KCNQ1: variants seen among roughly 807,000 people sequenced by gnomAD.
KCNQ1 encodes potassium voltage-gated channel subfamily KQT member 1.
In KCNQ1, 49 loss-of-function variants were observed where a neutral mutation model predicts 72.4. That is an observed-to-expected ratio of 0.68 (90% CI 0.54 to 0.86). KCNQ1 has a LOEUF of 0.86. KCNQ1 is among the 40% of genes least tolerant of loss of function. The probability of loss-of-function intolerance (pLI) is 0.00; values close to 1 mark genes in which losing one functional copy is unlikely to be tolerated. For synonymous variants in KCNQ1, 450 were observed against 412.6 expected, an observed-to-expected ratio of 1.09 and a Z score of -1.10; for missense variants, 790 against 945.1, an observed-to-expected ratio of 0.84 and a Z score of 2.15.
At position 2,611,506 on chromosome 11, in the gene KCNQ1, C is replaced by A. The variant is rs978892217; in HGVS notation, c.1393+22652C>A. On this transcript the variant is annotated intron_variant, in intron 10 of 15. Transcript: ENST00000155840. The surrounding 1 kb of genome is among the most constrained non-coding windows in gnomAD (Gnocchi z 5.3). ...GGATTACAGGTGTGAGCCACTGCAC[C>A]CAGCCAATTTTGTCTGATTTTAGTA... 2 of 398,264 alleles carry A rather than the reference C, an allele frequency of 5.0e-6. No homozygotes were observed. Among genetic ancestry groups the A allele is most frequent in the African/African-American group, 4.1e-5 (2 of 48,620 alleles). The allele number at this position is 398,264 out of a possible 1,614,324, so 24.7% of individuals were successfully genotyped here.
chr11:2,521,567 C>T (rs1847383271), intron 1 of KCNQ1: 2 of 470,630 alleles, frequency 4.2e-6, no homozygotes, highest in South Asian at 3.1e-5. Context: ...AGCTTCGACC[C>T]TGGGTGAGTT....
intron 6 of KCNQ1, among the ~76,000 whole-genome samples, chr11:2,575,022 G>A (rs1422188126): frequency 6.6e-6 from 1 of 152,190 alleles, no homozygotes; most frequent in African/African-American, 2.4e-5. Context: ...GTGGCAAGGT[G>A]GGCAGTGAGG....
At chr11:2,686,915 G>C (rs573290965) in intron 11 of KCNQ1, 1 of 398,638 alleles carries the variant, frequency 2.5e-6, no homozygotes, top group South Asian at 1.3e-4. Flanking sequence ...CCCAATCCAG[G>C]TCCATGCAGG....
At chr11:2,591,723 G>A (rs115752767) in intron 10 of KCNQ1, among the ~76,000 whole-genome samples, 5 of 152,370 alleles carry the variant, frequency 3.3e-5, no homozygotes, top group Admixed American at 1.3e-4. Flanking sequence ...GGGCAAGTGC[G>A]GAGAAAGTCA....
intron 11 of KCNQ1, chr11:2,699,765 TGAGGAGCCCCGAGGAGAACCGCGCC>T (rs1850758497): frequency 2.9e-6 from 1 of 344,994 alleles, no homozygotes. Context: ...AGCGCCGCGC[TGAGGAGCCCCGAGGAGAACCGCGCC>T]GAGGGGCGCG....
In KCNQ1 at chr11:2,691,689, C is replaced by A. The variant is rs189033687; in HGVS notation, c.1514+29608C>A. On this transcript the variant is annotated intron_variant, in intron 11 of 15. Transcript: ENST00000155840. The surrounding 1 kb of genome is among the most constrained non-coding windows in gnomAD (Gnocchi z 6.4). ...ACAGAGAACCAGGTGGGGAAGGGGT[C>A]TCTCCCCATCTGTCCAGGGGAGAGG... The A allele has an allele frequency of 7.8e-4, 311 of 398,582 alleles. No individual in the cohort carries two copies. The highest frequency in any genetic ancestry group is 4.5e-3 in the African/African-American group (218 of 48,710). The allele number at this position is 398,582 out of a possible 1,614,324, so 24.7% of individuals were successfully genotyped here. A position where few individuals can be genotyped will look rare whatever the true frequency, so the allele number is the denominator to read the frequency against.
At chr11:2,697,599 C>T (rs1252851384) in intron 11 of KCNQ1, 1 of 398,494 alleles carries the variant, frequency 2.5e-6, no homozygotes, top group East Asian at 3.6e-5. Context: ...AACTTTATCA[C>T]ATCATTTTTT....
At chr11:2,792,478 C>G (rs1847046770) in intron 15 of KCNQ1, among the ~76,000 whole-genome samples, 1 of 152,228 alleles carries the variant, frequency 6.6e-6, no homozygotes, top group African/African-American at 2.4e-5. Flanking sequence ...CGTGACCCCT[C>G]CCTCTGCCCA....
rs1016716082 is a variant in KCNQ1, at chr11:2,662,221, C to T, written c.1514+140C>T. ...TGCCCACCACTTGCCGTCTGCCTGG[C>T]CCCAACACGGAGGCACCAGGCAAGA... is the stretch of plus-strand genomic sequence containing the variant. On this transcript the variant is annotated intron_variant, in intron 11 of 15. Coordinates refer to ENST00000155840, the MANE Select transcript of KCNQ1 (RefSeq NM_000218.3). 41 of 1,167,976 alleles carry T rather than the reference C, an allele frequency of 3.5e-5. No individual in the cohort carries two copies. The South Asian group carries it at 4.5e-4, about 13-fold the overall frequency. The allele number at this position is 1,167,976 out of a possible 1,614,324, so 72.4% of individuals were successfully genotyped here.
intron 15 of KCNQ1, among the ~76,000 whole-genome samples, chr11:2,807,917 G>A (rs1279176962): frequency 6.6e-6 from 1 of 152,196 alleles, no homozygotes; most frequent in Non-Finnish European, 1.5e-5. Context: ...CAGCGGTAGA[G>A]AAGGCCAAGT....
chr11:2,554,614 C>T (rs893279371), intron 2 of KCNQ1, among the ~76,000 whole-genome samples: 5 of 152,146 alleles, frequency 3.3e-5, no homozygotes, highest in African/African-American at 7.2e-5. Context: ...AACAGGACAC[C>T]GTAAGGGGCA....
Position 2,464,641 on chromosome 11 carries a change from G to T in KCNQ1, c.386+19157G>T, listed in dbSNP as rs1447348548. 6.6e-6 allele frequency among the ~76,000 whole-genome samples: 1 copy of T among 152,034 alleles called. No individual in the cohort carries two copies. Among genetic ancestry groups the T allele is most frequent in the African/African-American group, 2.4e-5 (1 of 41,390 alleles). On this transcript the variant is annotated intron_variant, in intron 1 of 15. Coordinates refer to ENST00000155840, the MANE Select transcript of KCNQ1 (RefSeq NM_000218.3). This position sits in a 1 kb window ranked among gnomAD's most constrained non-coding sequence, Gnocchi z 5.0. ...GGCCTGGGGGACAGGAGTTGGGGGG[G>T]TGGGCAGTGCCTCTGTGTGGCAGAT...
chr11:2,719,331 CAAA>C (rs34225799), intron 11 of KCNQ1, among the ~76,000 whole-genome samples: 2 of 126,014 alleles, frequency 1.6e-5, no homozygotes. Flanking sequence ...CTGTCTCTAC[CAAA>C]AAAAAAAAAA....
chr11:2,847,737 T>C, intron 15 of KCNQ1, 30 bp from the exon 16 acceptor site: 1 of 1,562,388 alleles, frequency 6.4e-7, no homozygotes, highest in Non-Finnish European at 8.7e-7. Flanking sequence ...TTCCCACCAC[T>C]GACTCTCTCG....
rs1447675230 is a variant in KCNQ1 at position 2,451,247 on chromosome 11, C to T, written c.386+5763C>T. ...ATGAAACTGTTCCATCTCAGATCAT[C>T]AGGTATTAGATTCTCATAAGAAGCG... On this transcript the variant is annotated intron_variant, in intron 1 of 15. Transcript: ENST00000155840. This position sits in a 1 kb window ranked among gnomAD's most constrained non-coding sequence, Gnocchi z 6.4. Among the ~76,000 whole-genome samples the T allele has an allele frequency of 6.6e-6, 1 of 152,184 alleles. No homozygotes were observed. The highest frequency in any genetic ancestry group is 1.5e-5 in the Non-Finnish European group (1 of 68,036).
intron 15 of KCNQ1, among the ~76,000 whole-genome samples, chr11:2,800,880 G>A (rs769652610): frequency 1.2e-4 from 18 of 152,212 alleles, no homozygotes; most frequent in South Asian, 2.1e-4. Context: ...ACAGGATGGC[G>A]CTGGGGCAGG....
rs996693169 is a variant in KCNQ1, at chr11:2,508,229, C to G, written c.387-19699C>G. ...TTGAGGTACCACAACCTCCACCAAC[C>G]CATGGTGGTCACCAAGGGTCTTTGG... On this transcript the variant is annotated intron_variant, in intron 1 of 15. Transcript: ENST00000155840. This position sits in a 1 kb window ranked among gnomAD's most constrained non-coding sequence, Gnocchi z 6.2. Among the ~76,000 whole-genome samples the G allele has an allele frequency of 6.6e-6, 1 of 152,192 alleles. No individual in the cohort carries two copies. The highest frequency in any genetic ancestry group is 2.4e-5 in the African/African-American group (1 of 41,456).
At chr11:2,570,953 G>C (rs1000180059) in intron 3 of KCNQ1, among the ~76,000 whole-genome samples, 199 bp downstream of exon 3, 1 of 152,188 alleles carries the variant, frequency 6.6e-6, no homozygotes, top group Non-Finnish European at 1.5e-5. Flanking sequence ...CATGGTGTTG[G>C]GGGTAGGGGG....
At chr11:2,501,915 A>C (rs1477687691) in intron 1 of KCNQ1, among the ~76,000 whole-genome samples, 1 of 152,230 alleles carries the variant, frequency 6.6e-6, no homozygotes, top group African/African-American at 2.4e-5. Context: ...TTTATGTGAT[A>C]CATCGTATCA....
Sources: allele counts gnomAD v4.1 joint callset (sites outside exome capture counted in the v4.1 genomes callset), GRCh38; gene constraint gnomAD v4.1.1; non-coding constraint Gnocchi (gnomAD v3.1); transcripts MANE v1.5; gene names NCBI Gene and HGNC (gene_info 2026-07-23, HGNC 2026-07-21).